CLEC3A: variants seen among roughly 807,000 people sequenced by gnomAD.
The protein encoded by CLEC3A is C-type (calcium dependent, carbohydrate-recognition domain) lectin, superfamily member 1 (cartilage-derived).
A neutral mutation model predicts 20.4 loss-of-function variants in CLEC3A; 28 were observed. That is an observed-to-expected ratio of 1.37 (90% CI 1.02 to 1.88). CLEC3A has a LOEUF of 1.88. CLEC3A is among the 40% of genes most tolerant of loss of function. The pLI, the probability that CLEC3A is intolerant of heterozygous loss-of-function variation, is 0.00. For synonymous variants in CLEC3A, 110 were observed against 88.1 expected (o/e 1.25, Z -1.39); for missense variants, 357 against 240.4 (o/e 1.48, Z -3.21).
In CLEC3A at chr16:78,030,669, T is replaced by C. The variant is rs759861025; in HGVS notation, c.422T>C (p.Phe141Ser). Residue 141 changes from phenylalanine (F) to serine (S), a missense_variant, in exon 3 of 3, where the codon TTT becomes TCT. Phe to Ser is a radical substitution (Grantham distance 155). Coordinates refer to ENST00000299642, the MANE Select transcript of CLEC3A (RefSeq NM_005752.6). ...AATGACATGGTCACGGAAGGCAAGTTTGTTGACGTCAACGGAATCGCTATC... is the reference window on the plus strand; with the variant it reads ...AATGACATGGTCACGGAAGGCAAGTCTGTTGACGTCAACGGAATCGCTATC... ...GINDMVTEGK[F>S]VDVNGIAISF... 1 of 1,613,996 alleles carries C rather than the reference T, an allele frequency of 6.2e-7. No individual in the cohort carries two copies. The highest frequency in any genetic ancestry group is 1.3e-5 in the African/African-American group (1 of 74,910).
chr16:78,031,693 T>G lies in CLEC3A; in HGVS notation c.*852T>G, dbSNP rs2030130873. ...ATTGAGAGTGGACTTACATTTCCTTTTTTACATTTTCGTATACTTATTTTT... is the reference window on the plus strand; with the variant it reads ...ATTGAGAGTGGACTTACATTTCCTTGTTTACATTTTCGTATACTTATTTTT... On this transcript the variant is annotated 3_prime_UTR_variant, in exon 3 of 3. Transcript: ENST00000299642. 1 of 152,218 alleles carries G rather than the reference T, an allele frequency of 6.6e-6. No individual in the cohort carries two copies. The highest frequency in any genetic ancestry group is 2.1e-4 in the South Asian group (1 of 4,828). 9.4% of individuals were successfully genotyped at this position (152,218 alleles called of 1,614,324 possible). A position where few individuals can be genotyped will look rare whatever the true frequency, so the allele number is the denominator to read the frequency against.
intron 1 of CLEC3A, among the ~76,000 whole-genome samples, chr16:78,023,424 G>C (rs1009450082): frequency 3.9e-5 from 6 of 151,982 alleles, no homozygotes; most frequent in African/African-American, 7.3e-5. Context: ...ACTTGAATTG[G>C]GTTAACAGGT....
rs1337071203 is a variant in CLEC3A at position 78,030,482 on chromosome 16, T to C, written c.235T>C (p.Tyr79His). ...LRGTKVHKKC[Y>H]LASEGLKHFH... is the part of the protein sequence containing the mutation. ...AGGCACTAAAGTTCACAAGAAATGC[T>C]ACCTTGCTTCAGAAGGTTTGAAGCA... Residue 79 changes from tyrosine to histidine, a missense_variant, in exon 3 of 3, where the codon TAC (tyrosine) becomes CAC (histidine). Tyr to His is a moderately conservative substitution (Grantham distance 83). Transcript: ENST00000299642. The C allele has an allele frequency of 1.9e-6, 3 of 1,611,446 alleles. No homozygotes were observed. Among genetic ancestry groups the C allele is most frequent in the Admixed American group, 1.7e-5 (1 of 59,748 alleles).
chr16:78,028,188 C>G lies in CLEC3A; in HGVS notation c.197C>G (p.Thr66Arg), dbSNP rs1269261779. The G allele has an allele frequency of 6.2e-7, 1 of 1,606,484 alleles. No homozygotes were observed. The highest frequency in any genetic ancestry group is 8.5e-7 in the Non-Finnish European group (1 of 1,177,812). The change falls in exon 2 of 3, where the codon ACA becomes AGA. Residue 66 changes from threonine to arginine, a missense_variant and splice_region_variant. Physicochemically the swap from Thr to Arg is moderately conservative, Grantham distance 71 (BLOSUM62 -1). Transcript: ENST00000299642. Reference sequence around the variant, plus strand: ...TTGAAGGAAATTCAAGCCCTGCAGACAGGTAAGGTGCAGACCTTCTCAGTG... The same window carrying G: ...TTGAAGGAAATTCAAGCCCTGCAGAGAGGTAAGGTGCAGACCTTCTCAGTG... ...NALKEIQALQ[T>R]VCLRGTKVHK...
In CLEC3A at chr16:78,028,341, G is replaced by A. The variant is rs1209450427; in HGVS notation, c.199+151G>A. The A allele has an allele frequency of 5.2e-6, 3 of 573,046 alleles. No homozygotes were observed. The African/African-American group carries it at 5.8e-5, about 11-fold the overall frequency. 35.5% of individuals were successfully genotyped at this position (573,046 alleles called of 1,614,324 possible). On this transcript the variant is annotated intron_variant, in intron 2 of 2. Transcript: ENST00000299642. ...CAATGCCGGGAGATGATTGTTTTAG[G>A]AAATCAGCTTCATTTACAATCCCAT... is the stretch of plus-strand genomic sequence containing the variant.
At position 78,031,426 on chromosome 16, in the gene CLEC3A, T is replaced by C. The variant is rs970635881; in HGVS notation, c.*585T>C. ...AGAACACAAACCCCTGAAGAGGTTC[T>C]GATTTGATTTTTTTTTTTTCTTCAT... On this transcript the variant is annotated 3_prime_UTR_variant, in exon 3 of 3. Transcript: ENST00000299642. 6.6e-6 allele frequency: 1 copy of C among 152,166 alleles called. No homozygotes were observed. The highest frequency in any genetic ancestry group is 2.4e-5 in the African/African-American group (1 of 41,428). The allele number at this position is 152,166 out of a possible 1,614,324, so 9.4% of individuals were successfully genotyped here. A position where few individuals can be genotyped will look rare whatever the true frequency, so the allele number is the denominator to read the frequency against.
In CLEC3A at chr16:78,031,110, C is replaced by A; in HGVS notation, c.*269C>A. 3.0e-6 allele frequency: 1 copy of A among 329,384 alleles called. No homozygotes were observed. The highest frequency in any genetic ancestry group is 7.2e-5 in the South Asian group (1 of 13,828). The allele number at this position is 329,384 out of a possible 1,614,324, so 20.4% of individuals were successfully genotyped here. A position where few individuals can be genotyped will look rare whatever the true frequency, so the allele number is the denominator to read the frequency against. Reference sequence around the variant, plus strand: ...ACAGACTAAAATCTTTCTCTCTAGTCTTTCTCACTTGTACAAACCCAGTTT... The same window carrying A: ...ACAGACTAAAATCTTTCTCTCTAGTATTTCTCACTTGTACAAACCCAGTTT... On this transcript the variant is annotated 3_prime_UTR_variant, in exon 3 of 3. Coordinates refer to ENST00000299642, the MANE Select transcript of CLEC3A (RefSeq NM_005752.6).
chr16:78,023,239 G>A (rs1301426536), intron 1 of CLEC3A, among the ~76,000 whole-genome samples: 1 of 152,138 alleles, frequency 6.6e-6, no homozygotes. Context: ...GTTATCATTA[G>A]CTGTATTTCC....
chr16:78,029,745 C>A (rs1301206267), intron 2 of CLEC3A, among the ~76,000 whole-genome samples: 1 of 151,954 alleles, frequency 6.6e-6, no homozygotes, highest in Non-Finnish European at 1.5e-5. Context: ...AAATCCAACA[C>A]AGAGTAGCAA....
Position 78,030,638 on chromosome 16 carries a change from G to T in CLEC3A, c.391G>T (p.Gly131Cys). ...SLPGVNDFWL[G>C]INDMVTEGKF... ...GCCAGGTGTCAATGACTTTTGGCTG[G>T]GCATCAATGACATGGTCACGGAAGG... The change falls in exon 3 of 3, where the codon GGC (glycine) becomes TGC (cysteine). Residue 131 changes from glycine to cysteine, a missense_variant. Physicochemically the swap from Gly to Cys is radical, Grantham distance 159 (BLOSUM62 -3). Coordinates refer to ENST00000299642, the MANE Select transcript of CLEC3A (RefSeq NM_005752.6). 6.2e-7 allele frequency: 1 copy of T among 1,614,028 alleles called. No individual in the cohort carries two copies. Among genetic ancestry groups the T allele is most frequent in the South Asian group, 1.1e-5 (1 of 91,056 alleles).
Position 78,030,500 on chromosome 16 carries a change from T to G in CLEC3A, c.253T>G (p.Leu85Val), listed in dbSNP as rs750671715. Reference sequence around the variant, plus strand: ...GAAATGCTACCTTGCTTCAGAAGGTTTGAAGCATTTCCATGAGGCCAATGA... The same window carrying G: ...GAAATGCTACCTTGCTTCAGAAGGTGTGAAGCATTTCCATGAGGCCAATGA... ...HKKCYLASEGLKHFHEANEDC... is the reference protein window; with the variant it reads ...HKKCYLASEGVKHFHEANEDC... Residue 85 changes from leucine to valine, a missense_variant, in exon 3 of 3, where the codon TTG (leucine) becomes GTG (valine). Coordinates refer to ENST00000299642, the MANE Select transcript of CLEC3A (RefSeq NM_005752.6). 18 of 1,613,586 alleles carry G rather than the reference T, an allele frequency of 1.1e-5. No homozygotes were observed. In the African/African-American group the frequency reaches 2.0e-4, roughly 18 times the overall value.
At chr16:78,025,537 A>G (rs1310231097) in intron 1 of CLEC3A, among the ~76,000 whole-genome samples, 1 of 152,174 alleles carries the variant, frequency 6.6e-6, no homozygotes, top group Non-Finnish European at 1.5e-5. Flanking sequence ...TAATGGTTTT[A>G]CTGGCCATGT....
intron 2 of CLEC3A, among the ~76,000 whole-genome samples, chr16:78,028,522 C>T (rs1164601824): frequency 6.6e-6 from 1 of 152,186 alleles, no homozygotes; most frequent in East Asian, 1.9e-4. Flanking sequence ...TAGCTAAGTG[C>T]CTATCAGGCC....
chr16:78,031,846 A>C lies in CLEC3A; in HGVS notation c.*1005A>C, dbSNP rs2030137701. 1 of 152,160 alleles carries C rather than the reference A, an allele frequency of 6.6e-6. No individual in the cohort carries two copies. The highest frequency in any genetic ancestry group is 6.6e-5 in the Admixed American group (1 of 15,266). The allele number at this position is 152,160 out of a possible 1,614,324, so 9.4% of individuals were successfully genotyped here. A position where few individuals can be genotyped will look rare whatever the true frequency, so the allele number is the denominator to read the frequency against. Reference sequence around the variant, plus strand: ...GCAATTTTTTATTCTGCCTAGTGCTATTCTGCTTGTTTAACTAGATTGTAC... The same window carrying C: ...GCAATTTTTTATTCTGCCTAGTGCTCTTCTGCTTGTTTAACTAGATTGTAC... On this transcript the variant is annotated 3_prime_UTR_variant, in exon 3 of 3. Transcript: ENST00000299642.
intron 1 of CLEC3A, among the ~76,000 whole-genome samples, 185 bp from the exon 2 acceptor site, chr16:78,027,922 C>G (rs1168953734): frequency 6.6e-6 from 1 of 152,272 alleles, no homozygotes; most frequent in Non-Finnish European, 1.5e-5. Context: ...TCCCCAAGTG[C>G]TGGGATTACA....
At chr16:78,030,335 T>C in intron 2 of CLEC3A, 112 bp from the exon 3 acceptor site, 1 of 959,938 alleles carries the variant, frequency 1.0e-6, no homozygotes, top group Admixed American at 2.4e-5. Flanking sequence ...AACTGTTGTC[T>C]CATCATTATC....
intron 1 of CLEC3A, among the ~76,000 whole-genome samples, chr16:78,023,807 G>T (rs534728260): frequency 6.6e-6 from 1 of 151,116 alleles, no homozygotes; most frequent in Non-Finnish European, 1.5e-5. Flanking sequence ...GCCCAGGCTG[G>T]AGGGCAGTGA....
chr16:78,030,490 T>G lies in CLEC3A; in HGVS notation c.243T>G (p.Ala81=). 1 of 1,612,592 alleles carries G rather than the reference T, an allele frequency of 6.2e-7. No homozygotes were observed. Among genetic ancestry groups the G allele is most frequent in the Non-Finnish European group, 8.5e-7 (1 of 1,179,032 alleles). Residue 81 remains alanine (A), a synonymous_variant, in exon 3 of 3, where the codon GCT becomes GCG. Coordinates refer to ENST00000299642, the MANE Select transcript of CLEC3A (RefSeq NM_005752.6). The stretch of plus-strand genomic sequence containing the variant: ...AAGTTCACAAGAAATGCTACCTTGC[T>G]TCAGAAGGTTTGAAGCATTTCCATG... The part of the protein sequence containing the change: ...GTKVHKKCYL[A]SEGLKHFHEA...
intron 1 of CLEC3A, among the ~76,000 whole-genome samples, chr16:78,025,576 A>T (rs1480216835): frequency 6.6e-6 from 1 of 152,170 alleles, no homozygotes; most frequent in Non-Finnish European, 1.5e-5. Context: ...GTGTTTCTAC[A>T]CTGTGTCTAC....
Sources: allele counts gnomAD v4.1 joint callset (sites outside exome capture counted in the v4.1 genomes callset), GRCh38; gene constraint gnomAD v4.1.1; transcripts MANE v1.5; gene names NCBI Gene and HGNC (gene_info 2026-07-23, HGNC 2026-07-21).